The following MAP4K4 variants were observed in gnomAD, a reference collection of about 807,000 sequenced individuals.
The protein encoded by MAP4K4 is HPK/GCK-like kinase HGK.
In MAP4K4, 38 loss-of-function variants were observed where a neutral mutation model predicts 189.6. That is an observed-to-expected ratio of 0.20 (90% confidence interval 0.15 to 0.26). The LOEUF (loss-of-function observed/expected upper bound fraction) is 0.26. Ranked by LOEUF, MAP4K4 falls within the 10% of genes least tolerant of loss-of-function variation. The probability of loss-of-function intolerance (pLI) is 1.00; values close to 1 mark genes in which losing one functional copy is unlikely to be tolerated. For synonymous variants in MAP4K4, 610 were observed against 624.3 expected, an observed-to-expected ratio of 0.98 and a Z score of 0.34; for missense variants, 1,054 against 1,726.9, an observed-to-expected ratio of 0.61 and a Z score of 6.91.
chr2:101,737,186 A>G (rs185472128), intron 2 of MAP4K4, among the ~76,000 whole-genome samples: 5 of 151,864 alleles, frequency 3.3e-5, no homozygotes, highest in Non-Finnish European at 7.4e-5. Flanking sequence ...TCAGGTGTGT[A>G]TGTACTTCTG....
chr2:101,799,083 A>G (rs1382943113), intron 3 of MAP4K4, among the ~76,000 whole-genome samples: 1 of 152,190 alleles, frequency 6.6e-6, no homozygotes, highest in Non-Finnish European at 1.5e-5. Flanking sequence ...TTTGAGGCCC[A>G]TAAATAATTT....
chr2:101,849,796 C>T (rs1363850722), intron 12 of MAP4K4, among the ~76,000 whole-genome samples: 4 of 151,516 alleles, frequency 2.6e-5, no homozygotes, highest in Non-Finnish European at 5.9e-5. Flanking sequence ...TTTGGGAGGT[C>T]GAGATGGGAT....
chr2:101,715,798 A>G lies in MAP4K4; in HGVS notation c.123+17260A>G, dbSNP rs181535399. 2.0e-5 allele frequency among the ~76,000 whole-genome samples: 3 copies of G among 152,320 alleles called. No individual in the cohort carries two copies. In the East Asian group the frequency reaches 5.8e-4, roughly 29 times the overall value. Reference sequence around the variant, plus strand: ...ACTGGTCCTTGACCTAATAGGAGCCAGTCCCCACAGCAGGAGGTAAGCAGT... The same window carrying G: ...ACTGGTCCTTGACCTAATAGGAGCCGGTCCCCACAGCAGGAGGTAAGCAGT... On this transcript the variant is annotated intron_variant, in intron 2 of 32. Transcript: ENST00000324219.
intron 2 of MAP4K4, among the ~76,000 whole-genome samples, chr2:101,716,436 C>CT (rs911963580): frequency 1.1e-4 from 16 of 151,558 alleles, no homozygotes; most frequent in African/African-American, 3.9e-4. Flanking sequence ...GAGCGAGACT[C>CT]TGTCTCAAAA....
At chr2:101,732,193 G>T (rs2058746618) in intron 2 of MAP4K4, among the ~76,000 whole-genome samples, 1 of 152,092 alleles carries the variant, frequency 6.6e-6, no homozygotes, top group African/African-American at 2.4e-5. Flanking sequence ...ATTTACCATG[G>T]CCCTGGGGCT....
At chr2:101,711,780 G>A (rs925955535) in intron 2 of MAP4K4, among the ~76,000 whole-genome samples, 1 of 152,092 alleles carries the variant, frequency 6.6e-6, no homozygotes, top group African/African-American at 2.4e-5. Context: ...TCAACTCCAA[G>A]ATTGTATTAG....
intron 2 of MAP4K4, among the ~76,000 whole-genome samples, chr2:101,784,290 G>GTA (rs1438852497): frequency 9.1e-5 from 11 of 121,186 alleles, no homozygotes; most frequent in African/African-American, 3.9e-4. Context: ...GTGTGTGTAT[G>GTA]TGTGTGTGTG....
chr2:101,854,874 A>G (rs1254885783), intron 12 of MAP4K4, among the ~76,000 whole-genome samples: 1 of 152,212 alleles, frequency 6.6e-6, no homozygotes, highest in East Asian at 1.9e-4. Flanking sequence ...CCCAGTAGCC[A>G]CTAGCCACAT....
intron 2 of MAP4K4, among the ~76,000 whole-genome samples, chr2:101,773,763 C>A (rs1475271617): frequency 6.6e-6 from 1 of 152,168 alleles, no homozygotes; most frequent in Non-Finnish European, 1.5e-5. Context: ...CCTCTGGTAA[C>A]CATCCTTCTA....
intron 2 of MAP4K4, among the ~76,000 whole-genome samples, chr2:101,769,771 G>A (rs763268295): frequency 6.6e-6 from 1 of 151,960 alleles, no homozygotes; most frequent in African/African-American, 2.4e-5. Flanking sequence ...TAGTAGAGAC[G>A]AGGTTTCACC....
intron 12 of MAP4K4, among the ~76,000 whole-genome samples, chr2:101,846,862 T>G (rs993123380): frequency 3.3e-5 from 5 of 152,216 alleles, no homozygotes; most frequent in African/African-American, 1.2e-4. Flanking sequence ...AATTAAGCTT[T>G]ATTTACACTC....
intron 2 of MAP4K4, among the ~76,000 whole-genome samples, chr2:101,762,207 C>A (rs925886978): frequency 6.6e-6 from 1 of 152,168 alleles, no homozygotes; most frequent in East Asian, 1.9e-4. Flanking sequence ...AATTGTGTAT[C>A]CCACATTTAA....
chr2:101,803,261 G>GTGTGTGTGTGTGTGTGTA (rs764726761), intron 3 of MAP4K4, among the ~76,000 whole-genome samples: 5 of 149,192 alleles, frequency 3.4e-5, no homozygotes, highest in African/African-American at 1.2e-4. Context: ...GTGTGTGTGT[G>GTGTGTGTGTGTGTGTGTA]TGTATGTATG....
intron 3 of MAP4K4, among the ~76,000 whole-genome samples, chr2:101,810,479 CTTA>C (rs891638368): frequency 3.3e-5 from 5 of 152,028 alleles, no homozygotes; most frequent in African/African-American, 1.2e-4. Context: ...TAGATTGGCT[CTTA>C]TTTTTATAAT....
chr2:101,697,956 A>G, exon 1 of MAP4K4: 5 of 343,068 alleles, frequency 1.5e-5, no homozygotes, highest in Non-Finnish European at 2.3e-5. Context: ...CGGCCCCGCG[A>G]GGAGAGTACC....
chr2:101,826,012 G>C (rs2096339009), intron 5 of MAP4K4, among the ~76,000 whole-genome samples: 1 of 152,192 alleles, frequency 6.6e-6, no homozygotes, highest in African/African-American at 2.4e-5. Flanking sequence ...TGACAGCACA[G>C]GCAGAGGGTT....
chr2:101,741,404 G>A (rs1311883569), intron 2 of MAP4K4, among the ~76,000 whole-genome samples: 2 of 151,938 alleles, frequency 1.3e-5, no homozygotes, highest in African/African-American at 2.4e-5. Flanking sequence ...TCCTGACCTC[G>A]TGATCTGCCT....
chr2:101,764,376 A>C (rs547107475), intron 2 of MAP4K4, among the ~76,000 whole-genome samples: 47 of 152,334 alleles, frequency 3.1e-4, no homozygotes, highest in African/African-American at 1.1e-3. Flanking sequence ...CTTAGTTTTG[A>C]CACTGTGTTC....
chr2:101,790,061 A>T (rs536337092), intron 2 of MAP4K4, among the ~76,000 whole-genome samples: 31 of 152,258 alleles, frequency 2.0e-4, no homozygotes, highest in African/African-American at 5.1e-4. Context: ...AAATAATTTT[A>T]AAAAAAGAAT....
Sources: gnomAD v4.1 joint callset for allele counts (sites outside exome capture counted in the v4.1 genomes callset) on GRCh38, gnomAD v4.1.1 for gene constraint, MANE v1.5 for transcripts, NCBI Gene and HGNC (gene_info 2026-07-23, HGNC 2026-07-21) for gene names.